The following PCBP3 variants were observed in gnomAD, a reference collection of about 807,000 sequenced individuals.
The protein encoded by PCBP3 is poly(rC) binding protein 3.
A neutral mutation model predicts 52.7 loss-of-function variants in PCBP3; 25 were observed. The observed-to-expected ratio is 0.47, with a 90% confidence interval of 0.35 to 0.66. The LOEUF is 0.66. PCBP3 is among the 30% of genes least tolerant of loss of function. PCBP3 has a pLI of 0.01. For synonymous variants in PCBP3, 162 were observed against 183.0 expected, an observed-to-expected ratio of 0.89 and a Z score of 0.93; for missense variants, 391 against 490.3, an observed-to-expected ratio of 0.80 and a Z score of 1.91.
At chr21:45,920,520 G>A (rs2074291196) in intron 13 of PCBP3, among the ~76,000 whole-genome samples, 1 of 152,204 alleles carries the variant, frequency 6.6e-6, no homozygotes, top group African/African-American at 2.4e-5. Context: ...TGAGATACCT[G>A]GTGCTATGGT....
chr21:45,910,564 T>A (rs1346471693), intron 10 of PCBP3, among the ~76,000 whole-genome samples: 1 of 152,178 alleles, frequency 6.6e-6, no homozygotes, highest in Non-Finnish European at 1.5e-5. Context: ...AGTCCACCTT[T>A]CTCTGTGACC....
chr21:45,784,427 TC>T (rs1301734374), intron 4 of PCBP3, among the ~76,000 whole-genome samples: 2 of 95,192 alleles, frequency 2.1e-5, no homozygotes, highest in East Asian at 2.2e-4. Flanking sequence ...TACCCCTACC[TC>T]CTACCTCCTA....
chr21:45,850,705 C>A (rs558481814), intron 5 of PCBP3, among the ~76,000 whole-genome samples: 4 of 152,224 alleles, frequency 2.6e-5, no homozygotes, highest in African/African-American at 9.6e-5. Context: ...TAAGTTTGAG[C>A]TGTTAGGTAT....
rs2075732816 is a variant in PCBP3, at chr21:45,928,190, CTT to C, written c.718-1726_718-1725del. Among the ~76,000 whole-genome samples the C allele has an allele frequency of 1.3e-5, 2 of 152,350 alleles. No homozygotes were observed. Among genetic ancestry groups the C allele is most frequent in the South Asian group, 4.1e-4 (2 of 4,830 alleles). On this transcript the variant is annotated intron_variant, in intron 13 of 17. Transcript: ENST00000681687. This position sits in a 1 kb window ranked among gnomAD's most constrained non-coding sequence, Gnocchi z 4.1. ...TCCGGGAGGTAGACTGTCCCGGTGACTTCAGCTGGTGTCCTTGGGACAGGATG... is the reference window on the plus strand; with the variant it reads ...TCCGGGAGGTAGACTGTCCCGGTGACCAGCTGGTGTCCTTGGGACAGGATG...
chr21:45,686,133 G>A (rs980639338), intron 2 of PCBP3, among the ~76,000 whole-genome samples: 4 of 152,046 alleles, frequency 2.6e-5, no homozygotes, highest in Non-Finnish European at 5.9e-5. Context: ...GGCCAGGCTG[G>A]TCTCAAACTC....
chr21:45,810,303 G>A (rs542825365), intron 4 of PCBP3, among the ~76,000 whole-genome samples: 5 of 151,174 alleles, frequency 3.3e-5, no homozygotes, highest in East Asian at 3.9e-4. Flanking sequence ...GCAGTGGCAC[G>A]ATCTCAGCTC....
chr21:45,726,767 G>A (rs2085079912), intron 2 of PCBP3, among the ~76,000 whole-genome samples: 1 of 152,192 alleles, frequency 6.6e-6, no homozygotes, highest in South Asian at 2.1e-4. Context: ...GAAAGCATGC[G>A]TTCTGCTTTC....
At chr21:45,879,460 G>A (rs925442564) in intron 5 of PCBP3, among the ~76,000 whole-genome samples, 1 of 152,198 alleles carries the variant, frequency 6.6e-6, no homozygotes, top group Non-Finnish European at 1.5e-5. Context: ...AAAGGACTGG[G>A]AGAAATGAAT....
At position 45,791,429 on chromosome 21, in the gene PCBP3, G is replaced by A. The variant is rs1334904553; in HGVS notation, c.-126+35977G>A. On this transcript the variant is annotated intron_variant, in intron 4 of 17. Transcript: ENST00000681687. The surrounding 1 kb of genome is among the most constrained non-coding windows in gnomAD (Gnocchi z 4.2). ...TGTGCAGCTCCAGAGTCTAGGCACGGAATTGACAGAGAGTGAGACTTTAAT... is the reference window on the plus strand; with the variant it reads ...TGTGCAGCTCCAGAGTCTAGGCACGAAATTGACAGAGAGTGAGACTTTAAT... Among the ~76,000 whole-genome samples, 1 of 152,102 alleles carries A rather than the reference G, an allele frequency of 6.6e-6. No homozygotes were observed. The highest frequency in any genetic ancestry group is 1.5e-5 in the Non-Finnish European group (1 of 68,026).
At chr21:45,664,988 G>T (rs1316913880) in intron 1 of PCBP3, among the ~76,000 whole-genome samples, 1 of 151,932 alleles carries the variant, frequency 6.6e-6, no homozygotes, top group Non-Finnish European at 1.5e-5. Context: ...AGTTGTCCTT[G>T]TAGAAATCTT....
Position 45,788,736 on chromosome 21 carries a change from C to G in PCBP3, c.-126+33284C>G, listed in dbSNP as rs2091328147. 2 of 152,054 alleles carry G rather than the reference C, an allele frequency of 1.3e-5. No individual in the cohort carries two copies. Among genetic ancestry groups the G allele is most frequent in the Admixed American group, 1.3e-4 (2 of 15,268 alleles). The allele number at this position is 152,054 out of a possible 1,614,324, so 9.4% of individuals were successfully genotyped here. On this transcript the variant is annotated intron_variant, in intron 4 of 17. Coordinates refer to ENST00000681687, the MANE Select transcript of PCBP3 (RefSeq NM_001384156.1). The surrounding 1 kb of genome is among the most constrained non-coding windows in gnomAD (Gnocchi z 4.3). The stretch of plus-strand genomic sequence containing the variant: ...CCTGCTTCATGTCTATTTCCTTTTA[C>G]AGGGTAATTTGTAGTGGAATGAGAA...
At chr21:45,883,467 T>C (rs2095447966) in intron 5 of PCBP3, among the ~76,000 whole-genome samples, 1 of 152,232 alleles carries the variant, frequency 6.6e-6, no homozygotes. Context: ...AGTGGTTCTT[T>C]CAGTTGTTGA....
At chr21:45,792,411 G>C (rs1463102153) in intron 4 of PCBP3, among the ~76,000 whole-genome samples, 1 of 152,230 alleles carries the variant, frequency 6.6e-6, no homozygotes. Flanking sequence ...GCCCCTCTGG[G>C]ATAAGAGGTT....
chr21:45,793,635 T>G (rs890624400), intron 4 of PCBP3, among the ~76,000 whole-genome samples: 3 of 152,138 alleles, frequency 2.0e-5, no homozygotes, highest in Non-Finnish European at 4.4e-5. Flanking sequence ...GGACCGAGTT[T>G]CAGATACTGT....
intron 3 of PCBP3, among the ~76,000 whole-genome samples, chr21:45,747,496 A>G (rs55808323): frequency 0.33 from 50,435 of 152,180 alleles, 8,708 homozygotes; most frequent in Middle Eastern, 0.47. Flanking sequence ...GTGCTGCTGC[A>G]GTGACAGTGG....
At chr21:45,935,600 G>A (rs2076809730) in intron 16 of PCBP3, 1 of 513,704 alleles carries the variant, frequency 1.9e-6, no homozygotes, top group African/African-American at 1.9e-5. Flanking sequence ...TGTTGCTGTG[G>A]AGGCACTGCC....
intron 5 of PCBP3, among the ~76,000 whole-genome samples, chr21:45,852,151 C>G (rs2094035565): frequency 6.6e-6 from 1 of 152,202 alleles, no homozygotes; most frequent in South Asian, 2.1e-4. Context: ...ATGCTAATTT[C>G]CCTGGTTTGA....
rs76359839 is a variant in PCBP3 at position 45,663,052 on chromosome 21, C to T, written c.-278-5822C>T. ...TGCTTCAGCTGTCACACTCCTGGTC[C>T]GCTTTCATGTTCCATCCTGTACACC... On this transcript the variant is annotated intron_variant, in intron 1 of 17. Coordinates refer to ENST00000681687, the MANE Select transcript of PCBP3 (RefSeq NM_001384156.1). 6.4e-3 allele frequency among the ~76,000 whole-genome samples: 970 copies of T among 152,308 alleles called. 11 individuals carry two copies. The highest frequency in any genetic ancestry group is 0.022 in the African/African-American group (904 of 41,564).
Position 45,917,234 on chromosome 21 carries a change from G to T in PCBP3, c.676-354G>T. On this transcript the variant is annotated intron_variant, in intron 12 of 17. Transcript: ENST00000681687. The surrounding 1 kb of genome is among the most constrained non-coding windows in gnomAD (Gnocchi z 5.3). ...CCCAAAAGTATTTACTCAGATGACTGATTAAATTTTCAAAACCGTAATAAT... is the reference window on the plus strand; with the variant it reads ...CCCAAAAGTATTTACTCAGATGACTTATTAAATTTTCAAAACCGTAATAAT... 1 of 252,968 alleles carries T rather than the reference G, an allele frequency of 4.0e-6. No homozygotes were observed. The highest frequency in any genetic ancestry group is 7.4e-6 in the Non-Finnish European group (1 of 134,350). 15.7% of individuals were successfully genotyped at this position (252,968 alleles called of 1,614,324 possible). A position where few individuals can be genotyped will look rare whatever the true frequency, so the allele number is the denominator to read the frequency against.
Sources: gnomAD v4.1 joint callset for allele counts (sites outside exome capture counted in the v4.1 genomes callset) on GRCh38, gnomAD v4.1.1 for gene constraint, Gnocchi (gnomAD v3.1) non-coding constraint, MANE v1.5 for transcripts, NCBI Gene and HGNC (gene_info 2026-07-23, HGNC 2026-07-21) for gene names.